ZCRB1: variants seen among roughly 807,000 people sequenced by gnomAD.
ZCRB1 encodes the protein zinc finger CCHC-type and RNA-binding motif-containing protein 1.
In ZCRB1, 21 loss-of-function variants were observed where a neutral mutation model predicts 29.9. That is an observed-to-expected ratio of 0.70 (90% CI 0.50 to 1.01). The LOEUF (loss-of-function observed/expected upper bound fraction) is 1.01, where lower values mean the gene tolerates loss of function less well. Among genes scored for constraint, ZCRB1 ranks in the 50% least tolerant of loss-of-function variants. ZCRB1 has a pLI of 0.00. For missense variants in ZCRB1, 204 were observed against 253.3 expected (o/e 0.81, Z 1.32); for synonymous variants, 77 against 80.0 (o/e 0.96, Z 0.20).
chr12:42,313,886 G>C lies in ZCRB1; in HGVS notation c.434C>G (p.Pro145Arg). The change falls in exon 6 of 8, where the codon CCA becomes CGA. Residue 145 changes from proline (P) to arginine (R), a missense_variant. Pro to Arg is a moderately radical substitution (Grantham distance 103). Coordinates refer to ENST00000266529, the MANE Select transcript of ZCRB1 (RefSeq NM_033114.4). ...EKKKKKKAPE[P>R]EEEIEEVEES... ...ATAATATACATACATTTCTTCTTCT[G>C]GTTCAGGAGCTTTCTTTTTTTTCTT... 1 of 1,598,354 alleles carries C rather than the reference G, an allele frequency of 6.3e-7. No homozygotes were observed. Among genetic ancestry groups the C allele is most frequent in the Non-Finnish European group, 8.5e-7 (1 of 1,176,428 alleles).
intron 3 of ZCRB1, among the ~76,000 whole-genome samples, chr12:42,320,968 C>T (rs1016872847): frequency 1.3e-5 from 2 of 152,220 alleles, no homozygotes; most frequent in African/African-American, 4.8e-5. Flanking sequence ...ACTCACTCAT[C>T]TCCAGTCACA....
In ZCRB1 at chr12:42,313,985, T is replaced by A; in HGVS notation, c.335A>T (p.Glu112Val). Reference sequence around the variant, plus strand: ...ACAGGCATAACTTAAGTGTCCACTTTCCTTTTGTTTCCCATTAAAAAGGAA... The same window carrying A: ...ACAGGCATAACTTAAGTGTCCACTTACCTTTTGTTTCCCATTAAAAAGGAA... ...FDKSKCYECGESGHLSYACPK... is the reference protein window; with the variant it reads ...FDKSKCYECGVSGHLSYACPK... Residue 112 changes from glutamate (E) to valine (V), a missense_variant and splice_region_variant, in exon 6 of 8, where the codon GAA (glutamate) becomes GTA (valine). Coordinates refer to ENST00000266529, the MANE Select transcript of ZCRB1 (RefSeq NM_033114.4). 5 of 1,581,488 alleles carry A rather than the reference T, an allele frequency of 3.2e-6. No individual in the cohort carries two copies. The highest frequency in any genetic ancestry group is 3.4e-6 in the Non-Finnish European group (4 of 1,172,700).
At chr12:42,320,795 G>C (rs1171494323) in intron 3 of ZCRB1, among the ~76,000 whole-genome samples, 1 of 152,088 alleles carries the variant, frequency 6.6e-6, no homozygotes, top group Admixed American at 6.6e-5. Context: ...CATTAAGCCA[G>C]AATAAACTTT....
chr12:42,323,687 AGTGGT>A (rs1450353598), intron 2 of ZCRB1: 1 of 219,142 alleles, frequency 4.6e-6, no homozygotes. Context: ...GCTGGAGTGC[AGTGGT>A]GTGACCTTGG....
At chr12:42,323,761 A>G in intron 2 of ZCRB1, 1 of 432,540 alleles carries the variant, frequency 2.3e-6, no homozygotes, top group Non-Finnish European at 4.2e-6. Flanking sequence ...TCTCCCAGGT[A>G]GCTTGTAGAG....
chr12:42,321,887 T>G (rs1252998458), intron 3 of ZCRB1, among the ~76,000 whole-genome samples: 1 of 152,202 alleles, frequency 6.6e-6, no homozygotes, highest in Non-Finnish European at 1.5e-5. Flanking sequence ...CCCTCAGCCC[T>G]GTTATCATCC....
At chr12:42,320,428 G>T (rs946668907) in intron 3 of ZCRB1, among the ~76,000 whole-genome samples, 1 of 152,040 alleles carries the variant, frequency 6.6e-6, no homozygotes, top group Non-Finnish European at 1.5e-5. Context: ...GATTCAGACT[G>T]GTCTCACTGC....
In ZCRB1 at chr12:42,319,828, C is replaced by CA. The variant is rs1471943999; in HGVS notation, c.114-1931dup. Among the ~76,000 whole-genome samples, 4 of 151,912 alleles carry CA rather than the reference C, an allele frequency of 2.6e-5. No individual in the cohort carries two copies. In the East Asian group the frequency reaches 7.7e-4, roughly 29 times the overall value. ...TTTATATTCAATGGGAAAGACAGACCAAAAAAATGGGAAAAGTAGTTTCTA... is the reference window on the plus strand; with the variant it reads ...TTTATATTCAATGGGAAAGACAGACCAAAAAAAATGGGAAAAGTAGTTTCTA... On this transcript the variant is annotated intron_variant, in intron 3 of 7. Coordinates refer to ENST00000266529, the MANE Select transcript of ZCRB1 (RefSeq NM_033114.4).
chr12:42,317,825 A>G lies in ZCRB1; in HGVS notation c.187T>C (p.Ser63Pro). Residue 63 changes from serine to proline, a missense_variant, in exon 4 of 8, where the codon TCT becomes CCT. Physicochemically the swap from Ser to Pro is moderately conservative, Grantham distance 74. Transcript: ENST00000266529. ...ATTGCCCTGGTACAGTTTTGTGCAG[A>G]GTCTTTATCCAAAAATAAAATAAAT... ...VAFILFLDKD[S>P]AQNCTRAINN... 6.2e-7 allele frequency: 1 copy of G among 1,613,736 alleles called. No individual in the cohort carries two copies. Among genetic ancestry groups the G allele is most frequent in the Non-Finnish European group, 8.5e-7 (1 of 1,179,896 alleles).
intron 2 of ZCRB1, 84 bp from the exon 3 acceptor site, chr12:42,322,530 T>G: frequency 1.5e-6 from 2 of 1,298,116 alleles, no homozygotes; most frequent in Non-Finnish European, 2.1e-6. Context: ...GACCAAATTC[T>G]TTGTTACAGT....
At chr12:42,320,894 G>T (rs371697826) in intron 3 of ZCRB1, among the ~76,000 whole-genome samples, 5 of 152,152 alleles carry the variant, frequency 3.3e-5, no homozygotes, top group African/African-American at 1.2e-4. Context: ...TTGGTAACCT[G>T]ACCAAGAAGT....
rs980662814 is a variant in ZCRB1, at chr12:42,314,066, T to C, written c.334-80A>G. ...AAAAACTTGCCTGGTACCTTATTAC[T>C]AAAAAGTTTTCAAATTTAAAAAGGA... On this transcript the variant is annotated intron_variant, in intron 5 of 7. Coordinates refer to ENST00000266529, the MANE Select transcript of ZCRB1 (RefSeq NM_033114.4). The C allele has an allele frequency of 6.2e-6, 9 of 1,446,882 alleles. No homozygotes were observed. The South Asian group carries it at 9.5e-5, about 15-fold the overall frequency. The allele number at this position is 1,446,882 out of a possible 1,614,324, so 89.6% of individuals were successfully genotyped here.
At chr12:42,323,840 G>C (rs768193139) in intron 2 of ZCRB1, 179 bp downstream of exon 2, 1 of 585,704 alleles carries the variant, frequency 1.7e-6, no homozygotes, top group Non-Finnish European at 3.0e-6. Context: ...CTGAGGGGGC[G>C]GGGAGGCTGC....
intron 1 of ZCRB1, chr12:42,325,660 G>T (rs1026288764): frequency 1.3e-4 from 20 of 152,296 alleles, no homozygotes; most frequent in African/African-American, 3.9e-4. Context: ...ATGCCAATTC[G>T]TGAAGGAATG....
At chr12:42,321,187 T>C (rs888787802) in intron 3 of ZCRB1, among the ~76,000 whole-genome samples, 1 of 152,234 alleles carries the variant, frequency 6.6e-6, no homozygotes, top group South Asian at 2.1e-4. Flanking sequence ...TCTAGGTGCT[T>C]ATAACTCTCG....
At chr12:42,318,107 T>A (rs1305532172) in intron 3 of ZCRB1, among the ~76,000 whole-genome samples, 7 of 152,174 alleles carry the variant, frequency 4.6e-5, no homozygotes, top group Admixed American at 4.6e-4. Flanking sequence ...CAGCTATGAT[T>A]AGGAGTTAAT....
intron 7 of ZCRB1, 55 bp from the exon 8 acceptor site, chr12:42,313,253 T>A (rs1302526276): frequency 6.5e-7 from 1 of 1,547,650 alleles, no homozygotes; most frequent in African/African-American, 1.4e-5. Flanking sequence ...TATTTATGGT[T>A]CATTAATTCA....
At chr12:42,316,163 C>T (rs1245463771) in intron 5 of ZCRB1, among the ~76,000 whole-genome samples, 2 of 152,078 alleles carry the variant, frequency 1.3e-5, no homozygotes, top group Non-Finnish European at 2.9e-5. Flanking sequence ...GGAGTAATCT[C>T]GGCTCACTGC....
intron 3 of ZCRB1, among the ~76,000 whole-genome samples, chr12:42,321,858 T>A (rs1467108145): frequency 6.6e-6 from 1 of 152,176 alleles, no homozygotes; most frequent in East Asian, 1.9e-4. Context: ...GAAGTTCAAG[T>A]TCTTTTTATT....
Sources: allele counts gnomAD v4.1 joint callset (sites outside exome capture counted in the v4.1 genomes callset), GRCh38; gene constraint gnomAD v4.1.1; transcripts MANE v1.5; gene names NCBI Gene and HGNC (gene_info 2026-07-23, HGNC 2026-07-21).